Variants in CNOT6 observed in about 807,000 individuals in gnomAD.
The protein encoded by CNOT6 is CCR4-NOT transcription complex subunit 6, also known as carbon catabolite repression 4 protein.
A neutral mutation model predicts 61.2 loss-of-function variants in CNOT6; 12 were observed. The ratio of observed to expected loss-of-function variants is 0.20; its 90% CI spans 0.13 to 0.32. CNOT6 has a LOEUF of 0.32. CNOT6 is among the 10% of genes least tolerant of loss of function. The pLI, the probability that CNOT6 is intolerant of heterozygous loss-of-function variation, is 1.00. For missense variants in CNOT6, 405 were observed against 663.9 expected (o/e 0.61, Z 4.28); for synonymous variants, 225 against 240.6 (o/e 0.94, Z 0.60).
intron 1 of CNOT6, among the ~76,000 whole-genome samples, chr5:180,503,601 CTTTTTTTTTTTTTT>C (rs56187510): frequency 6.0e-5 from 4 of 66,130 alleles, no homozygotes; most frequent in African/African-American, 1.3e-4. Flanking sequence ...GCCCTACTTC[CTTTTTTTTTTTTTT>C]TTTTTTTTTT....
At chr5:180,509,505 G>A (rs1000595965) in intron 1 of CNOT6, among the ~76,000 whole-genome samples, 3 of 151,838 alleles carry the variant, frequency 2.0e-5, no homozygotes, top group Non-Finnish European at 4.4e-5. Flanking sequence ...GTGCAATGGC[G>A]GATTCTCGTC....
Position 180,565,980 on chromosome 5 carries a change from A to G in CNOT6, c.717+3A>G, listed in dbSNP as rs919025149. On this transcript the variant is annotated splice_donor_region_variant and intron_variant, in intron 7 of 11. Coordinates refer to ENST00000261951, the MANE Select transcript of CNOT6 (RefSeq NM_001370472.1). Reference sequence around the variant, plus strand: ...ATGCTGATATCGTAAGTCTTCAGGTAAGTCAGACAGAAGACAGTCAACCTA... The same window carrying G: ...ATGCTGATATCGTAAGTCTTCAGGTGAGTCAGACAGAAGACAGTCAACCTA... The G allele has an allele frequency of 1.9e-6, 3 of 1,609,996 alleles. No homozygotes were observed. The highest frequency in any genetic ancestry group is 2.5e-6 in the Non-Finnish European group (3 of 1,177,672).
At chr5:180,512,214 T>C (rs1757429031) in intron 1 of CNOT6, among the ~76,000 whole-genome samples, 1 of 152,220 alleles carries the variant, frequency 6.6e-6, no homozygotes, top group Admixed American at 6.5e-5. Context: ...ATGGTTCTGG[T>C]TTTGTGAGAA....
rs1022284963 is a variant in CNOT6, at chr5:180,576,355, C to T, written c.*2155C>T. On this transcript the variant is annotated 3_prime_UTR_variant, in exon 12 of 12. Coordinates refer to ENST00000261951, the MANE Select transcript of CNOT6 (RefSeq NM_001370472.1). ...AAGCGGGAGAGGAGGAGCACTTACTCATGTTGTATTTGTTAATGGAGGATG... is the reference window on the plus strand; with the variant it reads ...AAGCGGGAGAGGAGGAGCACTTACTTATGTTGTATTTGTTAATGGAGGATG... 3.9e-5 allele frequency: 6 copies of T among 152,552 alleles called. No homozygotes were observed. Among genetic ancestry groups the T allele is most frequent in the African/African-American group, 1.4e-4 (6 of 41,406 alleles). The allele number at this position is 152,552 out of a possible 1,614,324, so 9.4% of individuals were successfully genotyped here.
intron 1 of CNOT6, among the ~76,000 whole-genome samples, chr5:180,509,430 T>A (rs1757282322): frequency 6.6e-6 from 1 of 151,104 alleles, no homozygotes; most frequent in South Asian, 2.1e-4. Flanking sequence ...CACCCGGCCC[T>A]GATTTTTTTT....
rs1424353210 is a variant in CNOT6, at chr5:180,564,546, G to A, written c.443G>A (p.Arg148Gln). ...NLYQEPDGTRRLLNYLLDNLS... is the reference protein window; with the variant it reads ...NLYQEPDGTRQLLNYLLDNLS... ...TATCAGGAACCAGATGGAACAAGACGGCTGCTGAACTATTTGCTTGATAAT... is the reference window on the plus strand; with the variant it reads ...TATCAGGAACCAGATGGAACAAGACAGCTGCTGAACTATTTGCTTGATAAT... Residue 148 changes from arginine (R) to glutamine (Q), a missense_variant, in exon 5 of 12, where the codon CGG (arginine) becomes CAG (glutamine). Physicochemically the swap from Arg to Gln is conservative, Grantham distance 43 (BLOSUM62 1). Transcript: ENST00000261951. The A allele has an allele frequency of 1.3e-5, 21 of 1,613,816 alleles. 1 individual carries two copies. The highest frequency in any genetic ancestry group is 4.4e-5 in the South Asian group (4 of 91,078).
chr5:180,522,887 G>A (rs897206598), intron 1 of CNOT6, among the ~76,000 whole-genome samples: 18 of 152,076 alleles, frequency 1.2e-4, no homozygotes, highest in African/African-American at 4.1e-4. Context: ...TCCTTATAAC[G>A]AACCAGTGAA....
intron 2 of CNOT6, among the ~76,000 whole-genome samples, chr5:180,542,857 C>T (rs1759112906): frequency 6.6e-6 from 1 of 152,110 alleles, no homozygotes; most frequent in African/African-American, 2.4e-5. Context: ...TGAGTATGTA[C>T]AATTTTGTGG....
chr5:180,539,243 G>C (rs115530857), intron 2 of CNOT6, among the ~76,000 whole-genome samples: 1 of 149,350 alleles, frequency 6.7e-6, no homozygotes, highest in Admixed American at 6.7e-5. Flanking sequence ...AGCACCCTGA[G>C]CAAGATGGCA....
At chr5:180,537,962 C>G (rs1050784856) in intron 2 of CNOT6, among the ~76,000 whole-genome samples, 1 of 151,724 alleles carries the variant, frequency 6.6e-6, no homozygotes, top group African/African-American at 2.4e-5. Context: ...TCACACCAGA[C>G]CCAGCACTTT....
chr5:180,562,665 G>A (rs1190443448), intron 4 of CNOT6, among the ~76,000 whole-genome samples: 5 of 152,106 alleles, frequency 3.3e-5, no homozygotes, highest in African/African-American at 7.2e-5. Flanking sequence ...GCGTGAACCC[G>A]GGAGGCGGAG....
intron 2 of CNOT6, among the ~76,000 whole-genome samples, chr5:180,537,706 A>G (rs1166073864): frequency 1.3e-5 from 2 of 151,756 alleles, no homozygotes; most frequent in African/African-American, 4.8e-5. Flanking sequence ...AACATAGAAT[A>G]TCTCCATTTA....
At chr5:180,553,334 C>CT in intron 3 of CNOT6, 52 bp from the exon 4 acceptor site, 1 of 1,200,070 alleles carries the variant, frequency 8.3e-7, no homozygotes, top group Admixed American at 1.9e-5. Flanking sequence ...TTGATTTTAA[C>CT]TGTTAAAGGC....
chr5:180,567,010 T>C (rs1284645134), intron 7 of CNOT6, 78 bp from the exon 8 acceptor site: 2 of 1,314,702 alleles, frequency 1.5e-6, no homozygotes, highest in African/African-American at 3.0e-5. Flanking sequence ...TATTTCAAGC[T>C]CTCAAACTAT....
rs1411669195 is a variant in CNOT6 at position 180,494,597 on chromosome 5, C to T, written c.-169C>T. On this transcript the variant is annotated 5_prime_UTR_variant, in exon 1 of 12. Transcript: ENST00000261951. ...GAGGCGGGCAGCCGAAGCAGTGGCTCTCGGAGGGGGAACAAAGAGCAGCGA... is the reference window on the plus strand; with the variant it reads ...GAGGCGGGCAGCCGAAGCAGTGGCTTTCGGAGGGGGAACAAAGAGCAGCGA... 1 of 154,760 alleles carries T rather than the reference C, an allele frequency of 6.5e-6. No homozygotes were observed. The highest frequency in any genetic ancestry group is 2.4e-5 in the African/African-American group (1 of 40,946). 9.6% of individuals were successfully genotyped at this position (154,760 alleles called of 1,614,324 possible). A position where few individuals can be genotyped will look rare whatever the true frequency, so the allele number is the denominator to read the frequency against.
At chr5:180,526,048 C>G (rs812956) in intron 1 of CNOT6, among the ~76,000 whole-genome samples, 132,395 of 152,232 alleles carry the variant, frequency 0.87, 57,988 homozygotes, top group East Asian at 1. Flanking sequence ...TCCTCCCTCC[C>G]CAGCATCTCA....
At chr5:180,573,698 GC>G (rs1760879166) in intron 11 of CNOT6, among the ~76,000 whole-genome samples, 1 of 151,858 alleles carries the variant, frequency 6.6e-6, no homozygotes, top group African/African-American at 2.4e-5. Flanking sequence ...TAGTGTGGAA[GC>G]AGGGAAAGTG....
intron 2 of CNOT6, among the ~76,000 whole-genome samples, chr5:180,541,441 ATT>A (rs1163850404): frequency 3.8e-5 from 4 of 106,578 alleles, no homozygotes; most frequent in African/African-American, 1.6e-4. Context: ...TGGCCAAGAA[ATT>A]TTTTTTTTTT....
chr5:180,568,664 A>G (rs1424451149), intron 9 of CNOT6, among the ~76,000 whole-genome samples: 2 of 152,324 alleles, frequency 1.3e-5, no homozygotes, highest in Non-Finnish European at 1.5e-5. Flanking sequence ...TCAAGTGACC[A>G]TTATGCTGGG....
Sources: allele counts gnomAD v4.1 joint callset (sites outside exome capture counted in the v4.1 genomes callset), GRCh38; gene constraint gnomAD v4.1.1; transcripts MANE v1.5; gene names NCBI Gene and HGNC (gene_info 2026-07-23, HGNC 2026-07-21).